The following NTM variants were observed in gnomAD, a reference collection of about 807,000 sequenced individuals.
NTM encodes the protein IgLON family member 2.
A neutral mutation model predicts 42.1 loss-of-function variants in NTM; 13 were observed. The observed-to-expected ratio is 0.31, with a 90% confidence interval of 0.20 to 0.49. The LOEUF (loss-of-function observed/expected upper bound fraction) is 0.49. Among genes scored for constraint, NTM ranks in the 20% least tolerant of loss-of-function variants. The pLI is 0.99. For missense variants in NTM, 373 were observed against 452.8 expected (o/e 0.82, Z 1.60); for synonymous variants, 187 against 179.2 (o/e 1.04, Z -0.35).
rs182167650 is a variant in NTM at position 131,732,016 on chromosome 11, C to A, written c.83-179548C>A. Among the ~76,000 whole-genome samples, 23 of 152,260 alleles carry A rather than the reference C, an allele frequency of 1.5e-4. No homozygotes were observed. In the East Asian group the frequency reaches 4.3e-3, roughly 28 times the overall value. On this transcript the variant is annotated intron_variant, in intron 1 of 8. Transcript: ENST00000683400. ...AGCTTTCAAATTCAACTATCTCTGG[C>A]ACTTTTTAACTGGGTGATTGATCTT...
At chr11:131,660,494 C>T (rs1161448214) in intron 1 of NTM, 1 of 457,478 alleles carries the variant, frequency 2.2e-6, no homozygotes, top group South Asian at 1.5e-5. Flanking sequence ...TTCCTCCCTC[C>T]TCCCGAGAGG....
At chr11:131,672,052 C>T (rs2070374484) in intron 1 of NTM, among the ~76,000 whole-genome samples, 1 of 152,256 alleles carries the variant, frequency 6.6e-6, no homozygotes, top group Non-Finnish European at 1.5e-5. Flanking sequence ...TCCACGTGCA[C>T]ATCCCTTTCT....
At chr11:131,843,727 A>G (rs2044574603) in intron 1 of NTM, among the ~76,000 whole-genome samples, 1 of 151,888 alleles carries the variant, frequency 6.6e-6, no homozygotes, top group Admixed American at 6.5e-5. Context: ...CTGGGTATAT[A>G]ATGATATCTT....
Position 131,525,053 on chromosome 11 carries a change from G to T in NTM, c.82+154165G>T, listed in dbSNP as rs1027808982. Among the ~76,000 whole-genome samples, 9 of 151,868 alleles carry T rather than the reference G, an allele frequency of 5.9e-5. No individual in the cohort carries two copies. The South Asian group carries it at 1.9e-3, about 32-fold the overall frequency. On this transcript the variant is annotated intron_variant, in intron 1 of 8. Transcript: ENST00000683400. ...TAAGTAATTTCTGAATGGAGTAAGGGGGCAGTAATTACTCATCAGAGTAAT... is the reference window on the plus strand; with the variant it reads ...TAAGTAATTTCTGAATGGAGTAAGGTGGCAGTAATTACTCATCAGAGTAAT...
chr11:131,789,534 AAGAAGAAGAAGAAAAGAAGAAGAAGAAG>A (rs1565551714), intron 1 of NTM, among the ~76,000 whole-genome samples: 2 of 29,142 alleles, frequency 6.9e-5, no homozygotes, highest in Non-Finnish European at 1.2e-4. Flanking sequence ...GAAGAAGAAG[AAGAAGAAGAAGAAAAGAAGAAGAAGAAG>A]AAGAAGAAGA....
At chr11:131,824,417 AGGG>A (rs1205465259) in intron 1 of NTM, among the ~76,000 whole-genome samples, 1 of 152,170 alleles carries the variant, frequency 6.6e-6, no homozygotes, top group Admixed American at 6.5e-5. Flanking sequence ...CCCACTCTCA[AGGG>A]GGTCACAGTG....
chr11:132,076,021 C>T (rs1056744763), intron 2 of NTM, among the ~76,000 whole-genome samples: 3 of 152,060 alleles, frequency 2.0e-5, no homozygotes, highest in African/African-American at 7.2e-5. Context: ...ACAACAGATA[C>T]AATAGTATTG....
At chr11:131,374,475 C>T (rs1243001463) in intron 1 of NTM, among the ~76,000 whole-genome samples, 1 of 152,184 alleles carries the variant, frequency 6.6e-6, no homozygotes, top group Non-Finnish European at 1.5e-5. Flanking sequence ...AATATAAGCC[C>T]CCAGATCTCG....
chr11:131,950,872 G>A lies in NTM; in HGVS notation c.167+39224G>A, dbSNP rs1007043944. On this transcript the variant is annotated intron_variant, in intron 2 of 8. Transcript: ENST00000683400. ...TGGTTCTCTTGGAGTTGCTGAGCAC[G>A]TTGCCATGTCTTAGAACTCATCAGG... Among the ~76,000 whole-genome samples, 13 of 152,140 alleles carry A rather than the reference G, an allele frequency of 8.5e-5. 1 individual carries two copies. Among genetic ancestry groups the A allele is most frequent in the South Asian group, 2.1e-4 (1 of 4,824 alleles).
chr11:132,050,210 T>G (rs554029075), intron 2 of NTM, among the ~76,000 whole-genome samples: 43 of 152,228 alleles, frequency 2.8e-4, no homozygotes, highest in African/African-American at 1.0e-3. Context: ...TTGCTATGCG[T>G]TGCTGAAAGG....
intron 1 of NTM, among the ~76,000 whole-genome samples, chr11:131,862,286 G>C (rs1325934293): frequency 3.9e-5 from 6 of 152,178 alleles, no homozygotes; most frequent in Non-Finnish European, 8.8e-5. Flanking sequence ...GTTTGAGCCC[G>C]ACTTAAAGAA....
At chr11:131,379,113 T>C (rs1942331983) in intron 1 of NTM, among the ~76,000 whole-genome samples, 1 of 152,254 alleles carries the variant, frequency 6.6e-6, no homozygotes, top group Admixed American at 6.5e-5. Context: ...CTCCCCAGAG[T>C]GTTCATACTG....
chr11:131,931,628 C>T (rs973182478), intron 2 of NTM, among the ~76,000 whole-genome samples: 2 of 151,936 alleles, frequency 1.3e-5, no homozygotes, highest in Admixed American at 6.6e-5. Flanking sequence ...AAATAAGACA[C>T]AGTTCCTGTC....
intron 1 of NTM, among the ~76,000 whole-genome samples, chr11:131,649,468 A>G (rs1424985890): frequency 6.6e-6 from 1 of 152,212 alleles, no homozygotes; most frequent in Non-Finnish European, 1.5e-5. Context: ...TCATAATCCT[A>G]AAATGCATGG....
chr11:132,104,952 T>C (rs1276392959), intron 2 of NTM, among the ~76,000 whole-genome samples: 4 of 73,346 alleles, frequency 5.5e-5, no homozygotes, highest in African/African-American at 6.2e-5. Flanking sequence ...TATATATATA[T>C]ATATATATAT....
intron 2 of NTM, among the ~76,000 whole-genome samples, chr11:132,023,354 C>G (rs2074636583): frequency 6.6e-6 from 1 of 152,170 alleles, no homozygotes; most frequent in African/African-American, 2.4e-5. Flanking sequence ...CAAACAAACA[C>G]AAGTAATAAT....
chr11:131,633,620 C>CTCT (rs2063908665), intron 1 of NTM, among the ~76,000 whole-genome samples: 2 of 109,072 alleles, frequency 1.8e-5, no homozygotes, highest in African/African-American at 3.8e-5. Context: ...TCACTCTCTC[C>CTCT]CTCTCTCTAT....
chr11:132,322,492 A>G (rs2095592675), intron 7 of NTM, among the ~76,000 whole-genome samples: 1 of 126,492 alleles, frequency 7.9e-6, no homozygotes, highest in Admixed American at 8.2e-5. Flanking sequence ...TCCTAAATAT[A>G]TATGCACCCA....
intron 4 of NTM, among the ~76,000 whole-genome samples, chr11:132,235,210 A>G (rs889525288): frequency 3.3e-5 from 5 of 152,190 alleles, no homozygotes; most frequent in Non-Finnish European, 7.3e-5. Context: ...ATTAAATACC[A>G]TTAGAATCAT....
Sources: allele counts gnomAD v4.1 joint callset (sites outside exome capture counted in the v4.1 genomes callset), GRCh38; gene constraint gnomAD v4.1.1; transcripts MANE v1.5; gene names NCBI Gene and HGNC (gene_info 2026-07-23, HGNC 2026-07-21).